The following FBXW10B variants were observed in gnomAD, a reference collection of about 807,000 sequenced individuals.
FBXW10B encodes the protein F-box and WD repeat domain containing 10B.
chr17:15,613,714 C>T, the FBXW10B span: 1 of 1,611,372 alleles, frequency 6.2e-7, no homozygotes, highest in South Asian at 1.1e-5. Context: ...CAGAGGCGCA[C>T]TTGTTCAGGG....
At chr17:15,592,295 GTTT>G in the FBXW10B span, among the ~76,000 whole-genome samples, 1,438 of 107,690 alleles carry the variant, frequency 0.013, 34 homozygotes, top group African/African-American at 0.046. Context: ...AATGGCCAGA[GTTT>G]TTTTTTTTTT....
chr17:15,613,086 C>T, the FBXW10B span, among the ~76,000 whole-genome samples: 4 of 140,226 alleles, frequency 2.9e-5, no homozygotes, highest in Non-Finnish European at 4.5e-5. Context: ...TGCTGCTTCT[C>T]ATCCTCTGTC....
chr17:15,568,510 T>C, the FBXW10B span, among the ~76,000 whole-genome samples: 1 of 152,150 alleles, frequency 6.6e-6, no homozygotes, highest in Non-Finnish European at 1.5e-5. Context: ...CCATTCTGCC[T>C]GTTCCCTGCT....
chr17:15,594,434 T>C, the FBXW10B span: 3 of 273,940 alleles, frequency 1.1e-5, no homozygotes, highest in African/African-American at 2.4e-5. Context: ...ATTGCGCCAC[T>C]GCACTCCAGC....
chr17:15,597,635 A>AAAAAAT, the FBXW10B span, among the ~76,000 whole-genome samples: 1 of 152,150 alleles, frequency 6.6e-6, no homozygotes, highest in Non-Finnish European at 1.5e-5. Flanking sequence ...CCATCTCAAA[A>AAAAAAT]AAAAATAAAA....
chr17:15,596,890 G>A, the FBXW10B span, among the ~76,000 whole-genome samples: 23 of 152,242 alleles, frequency 1.5e-4, no homozygotes, highest in African/African-American at 3.9e-4. Context: ...GAGGGAGCCC[G>A]CAATCCAGAA....
chr17:15,613,426 A>C, the FBXW10B span: 2 of 562,854 alleles, frequency 3.6e-6, no homozygotes, highest in Non-Finnish European at 4.2e-6. Context: ...ACATGCACTG[A>C]CAATGAAAGA....
At chr17:15,598,170 T>C in the FBXW10B span, among the ~76,000 whole-genome samples, 11 of 152,180 alleles carry the variant, frequency 7.2e-5, no homozygotes, top group African/African-American at 2.7e-4. Context: ...GCAGCCGTTG[T>C]TGTTCATGGA....
chr17:15,582,665 T>C, the FBXW10B span, among the ~76,000 whole-genome samples: 1 of 151,490 alleles, frequency 6.6e-6, no homozygotes, highest in East Asian at 2.0e-4. Flanking sequence ...CAAACAAGAG[T>C]TCAAGTAACT....
the FBXW10B span, among the ~76,000 whole-genome samples, chr17:15,611,057 T>C: frequency 6.9e-6 from 1 of 144,406 alleles, no homozygotes; most frequent in African/African-American, 2.6e-5. Flanking sequence ...GGAATCTCAC[T>C]CTGTCACCCA....
the FBXW10B span, among the ~76,000 whole-genome samples, chr17:15,611,360 C>T: frequency 2.0e-5 from 3 of 152,196 alleles, no homozygotes; most frequent in African/African-American, 7.2e-5. Flanking sequence ...GTTTTTAAAA[C>T]TGCTTTTAAA....
the FBXW10B span, chr17:15,596,612 G>T: frequency 6.2e-7 from 1 of 1,613,216 alleles, no homozygotes; most frequent in Non-Finnish European, 8.5e-7. Flanking sequence ...GCCAAGATGG[G>T]GTCTTTGTGT....
At chr17:15,596,650 T>C in the FBXW10B span, 1 of 1,613,526 alleles carries the variant, frequency 6.2e-7, no homozygotes, top group South Asian at 1.1e-5. Context: ...CTTCCCTGTG[T>C]CTACATCCCA....
chr17:15,606,611 A>G, the FBXW10B span, among the ~76,000 whole-genome samples: 6 of 58,186 alleles, frequency 1.0e-4, no homozygotes, highest in Admixed American at 8.8e-4. Context: ...ATTTTTATGT[A>G]TATATATATA....
the FBXW10B span, chr17:15,566,381 A>T: frequency 7.3e-6 from 10 of 1,372,560 alleles, 1 homozygote; most frequent in South Asian, 2.6e-5. Flanking sequence ...AGAAAATTTT[A>T]AAAAATCGGC....
chr17:15,609,852 C>CTTTTTTTTTTTTTT, the FBXW10B span, among the ~76,000 whole-genome samples: 66 of 103,178 alleles, frequency 6.4e-4, no homozygotes, highest in Non-Finnish European at 8.1e-4. Context: ...TTCTTTCTTT[C>CTTTTTTTTTTTTTT]TTTTTTTTTT....
chr17:15,612,423 A>T, the FBXW10B span, among the ~76,000 whole-genome samples: 2 of 151,954 alleles, frequency 1.3e-5, no homozygotes, highest in Non-Finnish European at 2.9e-5. Context: ...CTGAGGCAGG[A>T]GAATGGCGTG....
chr17:15,611,996 C>A, the FBXW10B span, among the ~76,000 whole-genome samples: 1 of 152,298 alleles, frequency 6.6e-6, no homozygotes, highest in Non-Finnish European at 1.5e-5. Context: ...CCAGCCCTGG[C>A]CCTCCCCTCG....
chr17:15,601,281 C>T, the FBXW10B span, among the ~76,000 whole-genome samples: 2 of 142,674 alleles, frequency 1.4e-5, no homozygotes, highest in South Asian at 2.2e-4. Context: ...TGGTGGTGGG[C>T]GCCTGTAGTC....
Sources: gnomAD v4.1 joint callset for allele counts (sites outside exome capture counted in the v4.1 genomes callset) on GRCh38, gnomAD v4.1.1 for gene constraint, MANE v1.5 for transcripts, NCBI Gene and HGNC (gene_info 2026-07-23, HGNC 2026-07-21) for gene names.